Variants in MGMT observed in about 807,000 individuals in gnomAD.
MGMT encodes methylated-DNA--protein-cysteine methyltransferase.
Under a neutral mutation model 15.9 loss-of-function variants are expected in MGMT, and 14 were observed. The observed-to-expected ratio is 0.88, with a 90% CI of 0.58 to 1.37. MGMT has a LOEUF of 1.37. Among genes scored for constraint, MGMT ranks in the 40% most tolerant of loss-of-function variants. The probability of loss-of-function intolerance (pLI) is 0.00; values close to 1 mark genes in which losing one functional copy is unlikely to be tolerated. For synonymous variants in MGMT, 130 were observed against 118.2 expected, an observed-to-expected ratio of 1.10 and a Z score of -0.65; for missense variants, 282 against 268.1, an observed-to-expected ratio of 1.05 and a Z score of -0.36.
intron 3 of MGMT, among the ~76,000 whole-genome samples, chr10:129,754,357 CAG>C (rs1306882751): frequency 6.6e-6 from 1 of 152,154 alleles, no homozygotes; most frequent in Non-Finnish European, 1.5e-5. Context: ...ATTAGGAAGA[CAG>C]AGGTAAAGAG....
At chr10:129,482,641 T>C (rs962442621) in intron 1 of MGMT, among the ~76,000 whole-genome samples, 3 of 152,198 alleles carry the variant, frequency 2.0e-5, no homozygotes, top group Non-Finnish European at 4.4e-5. Context: ...TTTACTCTTA[T>C]GAAATGGCCT....
chr10:129,647,653 A>T (rs1375481128), intron 2 of MGMT, among the ~76,000 whole-genome samples: 1 of 152,188 alleles, frequency 6.6e-6, no homozygotes, highest in Non-Finnish European at 1.5e-5. Flanking sequence ...AGAAGAAAAA[A>T]CAGTTCATCT....
At chr10:129,632,634 C>G (rs911905495) in intron 2 of MGMT, among the ~76,000 whole-genome samples, 1 of 152,180 alleles carries the variant, frequency 6.6e-6, no homozygotes, top group African/African-American at 2.4e-5. Context: ...CAGACCCTGC[C>G]TGCTGCTCCG....
chr10:129,657,717 A>G (rs895230762), intron 2 of MGMT, among the ~76,000 whole-genome samples: 2 of 149,550 alleles, frequency 1.3e-5, no homozygotes, highest in Non-Finnish European at 3.0e-5. Flanking sequence ...GCACACACAC[A>G]CACACACACA....
chr10:129,677,011 C>G (rs537256960), intron 2 of MGMT, among the ~76,000 whole-genome samples: 2 of 152,262 alleles, frequency 1.3e-5, no homozygotes, highest in South Asian at 4.1e-4. Context: ...GATGCCAAAG[C>G]CATTTCCACC....
chr10:129,663,944 C>T lies in MGMT; in HGVS notation c.126-43951C>T, dbSNP rs75745585. 8.4e-3 allele frequency among the ~76,000 whole-genome samples: 1,281 copies of T among 152,122 alleles called. 10 individuals carry two copies. The highest frequency in any genetic ancestry group is 0.029 in the African/African-American group (1,200 of 41,486). ...TAAAAGCATAAGAAATGAAGGGAAA[C>T]GTCCCATATTTTTTATGCAGCAAGT... On this transcript the variant is annotated intron_variant, in intron 2 of 4. Transcript: ENST00000651593.
At chr10:129,576,077 T>C (rs539394246) in intron 2 of MGMT, among the ~76,000 whole-genome samples, 8 of 152,304 alleles carry the variant, frequency 5.3e-5, no homozygotes, top group African/African-American at 1.9e-4. Flanking sequence ...CAGGACCATA[T>C]GGATTCGCAG....
chr10:129,729,924 C>A (rs191530695), intron 3 of MGMT, among the ~76,000 whole-genome samples: 1 of 152,276 alleles, frequency 6.6e-6, no homozygotes, highest in East Asian at 1.9e-4. Context: ...TGTCAGCATT[C>A]CCTGAAACAC....
intron 2 of MGMT, among the ~76,000 whole-genome samples, chr10:129,692,916 T>TG (rs1847985964): frequency 6.6e-6 from 1 of 152,206 alleles, no homozygotes; most frequent in South Asian, 2.1e-4. Context: ...GTTCCCAGTG[T>TG]GGGCAGTGAC....
intron 2 of MGMT, among the ~76,000 whole-genome samples, chr10:129,692,200 T>C (rs1289631411): frequency 6.6e-6 from 1 of 152,100 alleles, no homozygotes; most frequent in African/African-American, 2.4e-5. Context: ...GAATTAGGGT[T>C]TGAAGAAGGG....
chr10:129,554,678 G>A (rs537039930), intron 2 of MGMT, among the ~76,000 whole-genome samples: 12 of 152,236 alleles, frequency 7.9e-5, no homozygotes, highest in African/African-American at 2.9e-4. Flanking sequence ...GTTGGCTTCT[G>A]AAATCAAATG....
intron 1 of MGMT, among the ~76,000 whole-genome samples, chr10:129,520,967 C>T (rs367923191): frequency 4.6e-5 from 4 of 87,008 alleles, no homozygotes; most frequent in African/African-American, 7.4e-5. Context: ...AGAGCCCCTA[C>T]GGTGAGGGTG....
chr10:129,656,484 A>T (rs1847525728), intron 2 of MGMT, among the ~76,000 whole-genome samples: 1 of 152,176 alleles, frequency 6.6e-6, no homozygotes, highest in Non-Finnish European at 1.5e-5. Flanking sequence ...AGATGGTCTC[A>T]GTTAATTTAG....
rs190701479 is a variant in MGMT at position 129,686,990 on chromosome 10, G to A, written c.126-20905G>A. Among the ~76,000 whole-genome samples the A allele has an allele frequency of 9.4e-4, 143 of 152,184 alleles. 1 individual carries two copies. The highest frequency in any genetic ancestry group is 2.1e-3 in the Admixed American group (32 of 15,300). On this transcript the variant is annotated intron_variant, in intron 2 of 4. Coordinates refer to ENST00000651593, the MANE Select transcript of MGMT (RefSeq NM_002412.5). ...AGGATGCAGCCTCCATCCTTGGTGG[G>A]CACAGCTGAGAGAGGAAGTTCTGAG...
At chr10:129,479,457 T>C (rs1183789071) in intron 1 of MGMT, among the ~76,000 whole-genome samples, 1 of 152,172 alleles carries the variant, frequency 6.6e-6, no homozygotes, top group Non-Finnish European at 1.5e-5. Context: ...ATTGTAGTCA[T>C]ATACTGACTT....
At chr10:129,586,898 T>C (rs553658362) in intron 2 of MGMT, among the ~76,000 whole-genome samples, 25 of 152,342 alleles carry the variant, frequency 1.6e-4, no homozygotes, top group African/African-American at 5.5e-4. Context: ...TCATTTTCCT[T>C]TTGCCTGGAA....
chr10:129,485,943 A>G (rs1304498495), intron 1 of MGMT, among the ~76,000 whole-genome samples: 1 of 152,228 alleles, frequency 6.6e-6, no homozygotes, highest in South Asian at 2.1e-4. Flanking sequence ...CTTTCTAGGC[A>G]TGTTTAAGCC....
intron 2 of MGMT, among the ~76,000 whole-genome samples, chr10:129,649,092 T>TC (rs1325797018): frequency 1.3e-5 from 2 of 152,200 alleles, no homozygotes; most frequent in Non-Finnish European, 2.9e-5. Flanking sequence ...AATAGAACAC[T>TC]CCAAGTATCC....
At chr10:129,471,701 AC>A (rs1845233234) in intron 1 of MGMT, among the ~76,000 whole-genome samples, 1 of 152,004 alleles carries the variant, frequency 6.6e-6, no homozygotes, top group Non-Finnish European at 1.5e-5. Context: ...CCCATGGGAG[AC>A]CTACAGGACC....
Sources: gnomAD v4.1 joint callset for allele counts (sites outside exome capture counted in the v4.1 genomes callset) on GRCh38, gnomAD v4.1.1 for gene constraint, MANE v1.5 for transcripts, NCBI Gene and HGNC (gene_info 2026-07-23, HGNC 2026-07-21) for gene names.